Variants in ARK2C observed in about 807,000 individuals in gnomAD.
The protein encoded by ARK2C is E3 ubiquitin-protein ligase ARK2C.
At chr18:46,343,099 G>A in the ARK2C span, among the ~76,000 whole-genome samples, 3 of 152,232 alleles carry the variant, frequency 2.0e-5, no homozygotes, top group Non-Finnish European at 4.4e-5. Flanking sequence ...AAATGCCATA[G>A]GTTCTAGGCC....
the ARK2C span, among the ~76,000 whole-genome samples, chr18:46,407,651 G>A: frequency 1.1e-4 from 16 of 152,272 alleles, no homozygotes; most frequent in South Asian, 2.1e-4. Context: ...CGTGGCTTGC[G>A]TGGGAAAAAT....
chr18:46,410,670 A>T, the ARK2C span, among the ~76,000 whole-genome samples: 1 of 152,234 alleles, frequency 6.6e-6, no homozygotes, highest in Non-Finnish European at 1.5e-5. Context: ...GCCTGGCTGA[A>T]GGGGAGCCTC....
chr18:46,440,063 C>T, the ARK2C span, among the ~76,000 whole-genome samples: 6 of 152,176 alleles, frequency 3.9e-5, no homozygotes, highest in African/African-American at 1.2e-4. Context: ...CTCTTGACCT[C>T]GTGATATACC....
At chr18:46,408,674 G>T in the ARK2C span, among the ~76,000 whole-genome samples, 1 of 152,150 alleles carries the variant, frequency 6.6e-6, no homozygotes, top group Non-Finnish European at 1.5e-5. Context: ...GCATCATCTT[G>T]GTCAGAATTT....
the ARK2C span, among the ~76,000 whole-genome samples, chr18:46,377,740 A>AT: frequency 6.6e-6 from 1 of 152,200 alleles, no homozygotes; most frequent in South Asian, 2.1e-4. Flanking sequence ...AGGAGTTGCT[A>AT]TGTGATGGGG....
chr18:46,355,950 G>T, the ARK2C span, among the ~76,000 whole-genome samples: 1 of 152,164 alleles, frequency 6.6e-6, no homozygotes, highest in Admixed American at 6.5e-5. Context: ...CTCTGTAGTG[G>T]GCGGAGGCAT....
chr18:46,374,193 G>A, the ARK2C span, among the ~76,000 whole-genome samples: 3 of 152,060 alleles, frequency 2.0e-5, no homozygotes, highest in Admixed American at 6.6e-5. Flanking sequence ...CAGCCAGGAA[G>A]CCTTTTTTTT....
chr18:46,445,460 A>G, the ARK2C span, among the ~76,000 whole-genome samples: 2 of 152,126 alleles, frequency 1.3e-5, no homozygotes, highest in Admixed American at 6.5e-5. Context: ...TGTTCAACCT[A>G]CTAAAATTTC....
chr18:46,456,523 C>T, the ARK2C span: 6 of 1,611,948 alleles, frequency 3.7e-6, no homozygotes, highest in East Asian at 6.7e-5. Context: ...TTCCAGACGC[C>T]TACCCTGTAT....
chr18:46,423,706 A>T, the ARK2C span, among the ~76,000 whole-genome samples: 18 of 152,310 alleles, frequency 1.2e-4, no homozygotes, highest in African/African-American at 4.3e-4. Flanking sequence ...ACTACTCTAG[A>T]GCCCTCAGAC....
At chr18:46,374,607 A>G in the ARK2C span, among the ~76,000 whole-genome samples, 5 of 127,198 alleles carry the variant, frequency 3.9e-5, no homozygotes, top group African/African-American at 1.5e-4. Flanking sequence ...TTCCCCAGCC[A>G]GGTGGCTTTA....
chr18:46,456,786 T>C, the ARK2C span: 1 of 660,660 alleles, frequency 1.5e-6, no homozygotes, highest in Non-Finnish European at 2.8e-6. Flanking sequence ...GTGGTATCGG[T>C]GTCGAGGGAG....
At chr18:46,350,929 T>C in the ARK2C span, among the ~76,000 whole-genome samples, 1 of 152,186 alleles carries the variant, frequency 6.6e-6, no homozygotes, top group African/African-American at 2.4e-5. Context: ...CGGGTTTAAT[T>C]TGTGAACAGT....
the ARK2C span, among the ~76,000 whole-genome samples, chr18:46,408,408 G>A: frequency 2.6e-5 from 4 of 152,230 alleles, no homozygotes; most frequent in Admixed American, 6.5e-5. Flanking sequence ...CCTGGCACAC[G>A]CACCTGCGAT....
the ARK2C span, among the ~76,000 whole-genome samples, chr18:46,354,115 C>A: frequency 6.6e-6 from 1 of 152,192 alleles, no homozygotes; most frequent in African/African-American, 2.4e-5. Context: ...CTTCCTTTTG[C>A]CCAAATTTAT....
the ARK2C span, among the ~76,000 whole-genome samples, chr18:46,367,081 G>A: frequency 6.6e-6 from 1 of 152,200 alleles, no homozygotes; most frequent in Non-Finnish European, 1.5e-5. Flanking sequence ...ACAACAGGAA[G>A]ACACTGGAGT....
At chr18:46,386,272 C>G in the ARK2C span, 2 of 152,354 alleles carry the variant, frequency 1.3e-5, no homozygotes, top group East Asian at 1.9e-4. Context: ...CACCCTTCTA[C>G]TCTTTAATCA....
At chr18:46,403,067 CCCT>C in the ARK2C span, among the ~76,000 whole-genome samples, 1 of 152,212 alleles carries the variant, frequency 6.6e-6, no homozygotes, top group African/African-American at 2.4e-5. Context: ...GGCAGGCTGC[CCCT>C]CCAGCCCTTA....
At chr18:46,397,489 G>GGTGTGT in the ARK2C span, among the ~76,000 whole-genome samples, 644 of 101,918 alleles carry the variant, frequency 6.3e-3, 15 homozygotes, top group African/African-American at 0.028. Flanking sequence ...GAGGTGTGAG[G>GGTGTGT]GTGTGTGTGT....
Sources: gnomAD v4.1 joint callset for allele counts (sites outside exome capture counted in the v4.1 genomes callset) on GRCh38, gnomAD v4.1.1 for gene constraint, MANE v1.5 for transcripts, NCBI Gene and HGNC (gene_info 2026-07-23, HGNC 2026-07-21) for gene names.